Variants in EPB41L2 observed in about 807,000 individuals in gnomAD.
EPB41L2 encodes the protein band 4.1-like protein 2.
A neutral mutation model predicts 113.0 loss-of-function variants in EPB41L2; 43 were observed. The ratio of observed to expected loss-of-function variants is 0.38; its 90% CI spans 0.30 to 0.49. The LOEUF is 0.49. EPB41L2 is among the 20% of genes least tolerant of loss of function. The pLI, the probability that EPB41L2 is intolerant of heterozygous loss-of-function variation, is 0.95. For missense variants in EPB41L2, 1,147 were observed against 1,223.4 expected (o/e 0.94, Z 0.93); for synonymous variants, 442 against 436.7 (o/e 1.01, Z -0.15).
intron 3 of EPB41L2, among the ~76,000 whole-genome samples, chr6:130,928,956 C>T (rs548656022): frequency 5.2e-4 from 79 of 152,334 alleles, no homozygotes; most frequent in African/African-American, 1.6e-3. Flanking sequence ...TATTCCTTCA[C>T]TAGTCCACAT....
intron 13 of EPB41L2, among the ~76,000 whole-genome samples, chr6:130,878,958 A>G (rs1788430360): frequency 6.6e-6 from 1 of 152,224 alleles, no homozygotes. Context: ...AGCCTCCGCA[A>G]CTGCCAGATC....
intron 17 of EPB41L2, 49 bp from the exon 18 acceptor site, chr6:130,863,767 G>A (rs370053087): frequency 1.4e-4 from 193 of 1,346,652 alleles, no homozygotes; most frequent in Non-Finnish European, 1.8e-4. Context: ...ACTGAAGCAC[G>A]TTTACACAGT....
At chr6:130,861,552 C>T (rs1782054600) in intron 18 of EPB41L2, among the ~76,000 whole-genome samples, 1 of 152,154 alleles carries the variant, frequency 6.6e-6, no homozygotes, top group African/African-American at 2.4e-5. Context: ...TGGTGACAAG[C>T]AGACCAAAAG....
chr6:130,930,654 C>A (rs1806514791), intron 3 of EPB41L2, among the ~76,000 whole-genome samples: 1 of 152,062 alleles, frequency 6.6e-6, no homozygotes, highest in South Asian at 2.1e-4. Flanking sequence ...ATATGCCCAG[C>A]TGCCTGGGAG....
In EPB41L2 at chr6:131,020,174, T is replaced by C. The variant is rs148404098; in HGVS notation, c.-15+42981A>G. 9.8e-3 allele frequency among the ~76,000 whole-genome samples: 1,492 copies of C among 152,258 alleles called. 8 individuals are homozygous for C. The highest frequency in any genetic ancestry group is 0.014 in the Non-Finnish European group (938 of 68,018). ...TTTTCTTAGATAAAATGTTAAAGGG[T>C]TATCCTTTATTGGGTGATTTGCCTT... On this transcript the variant is annotated intron_variant, in intron 1 of 19. Transcript: ENST00000337057.
chr6:131,048,498 C>T (rs545393589), intron 1 of EPB41L2, among the ~76,000 whole-genome samples: 2 of 152,210 alleles, frequency 1.3e-5, no homozygotes, highest in South Asian at 2.1e-4. Context: ...CCACAAAATC[C>T]GTAATAAATA....
At chr6:130,962,809 T>C (rs182481462) in intron 1 of EPB41L2, among the ~76,000 whole-genome samples, 6 of 152,242 alleles carry the variant, frequency 3.9e-5, no homozygotes, top group Admixed American at 1.3e-4. Context: ...TGTGTTTCAA[T>C]AGAGGCTAGC....
chr6:130,865,732 C>T (rs1783541036), intron 16 of EPB41L2, 98 bp from the exon 17 acceptor site: 1 of 1,273,870 alleles, frequency 7.9e-7, no homozygotes, highest in African/African-American at 1.5e-5. Context: ...TTTTAAAATC[C>T]ATGTGGTTTG....
chr6:130,860,079 C>G (rs1159300226), intron 18 of EPB41L2, among the ~76,000 whole-genome samples: 2 of 152,156 alleles, frequency 1.3e-5, no homozygotes, highest in Non-Finnish European at 2.9e-5. Context: ...TGCAGTTCTA[C>G]ATTGTGTTTG....
chr6:130,891,428 T>TTTACTTACTTACTTACTTACTTAC (rs34546609), intron 10 of EPB41L2, among the ~76,000 whole-genome samples: 16 of 149,364 alleles, frequency 1.1e-4, no homozygotes, highest in African/African-American at 3.8e-4. Context: ...TATTTATTTA[T>TTTACTTACTTACTTACTTACTTAC]TTACTTACTT....
At chr6:130,907,522 T>G (rs1319559798) in intron 5 of EPB41L2, among the ~76,000 whole-genome samples, 2 of 152,136 alleles carry the variant, frequency 1.3e-5, no homozygotes, top group East Asian at 3.9e-4. Context: ...CTTTAGCACT[T>G]AAAGTCTCAT....
chr6:131,004,305 G>T (rs1784982497), intron 1 of EPB41L2, among the ~76,000 whole-genome samples: 1 of 152,078 alleles, frequency 6.6e-6, no homozygotes, highest in African/African-American at 2.4e-5. Context: ...TGAACCTGGG[G>T]GTGTAAGCTC....
intron 4 of EPB41L2, among the ~76,000 whole-genome samples, chr6:130,915,449 A>C (rs1255758086): frequency 6.6e-6 from 1 of 152,242 alleles, no homozygotes; most frequent in Non-Finnish European, 1.5e-5. Context: ...GGAACATAGC[A>C]GAAAAAAACC....
intron 1 of EPB41L2, among the ~76,000 whole-genome samples, chr6:131,013,770 C>T (rs1787574595): frequency 6.6e-6 from 1 of 152,124 alleles, no homozygotes; most frequent in Non-Finnish European, 1.5e-5. Context: ...CACAATTTTT[C>T]ATTTAGCATT....
chr6:130,841,784 T>C (rs909005034), intron 19 of EPB41L2, among the ~76,000 whole-genome samples: 1 of 152,168 alleles, frequency 6.6e-6, no homozygotes, highest in African/African-American at 2.4e-5. Flanking sequence ...CCTAGGGATA[T>C]AGATTTGGGC....
At chr6:131,004,861 C>T (rs1306902534) in intron 1 of EPB41L2, among the ~76,000 whole-genome samples, 1 of 152,210 alleles carries the variant, frequency 6.6e-6, no homozygotes, top group African/African-American at 2.4e-5. Flanking sequence ...CTGCTTCCCA[C>T]TGCCAGCATC....
At chr6:130,988,286 GA>G (rs1781041142) in intron 1 of EPB41L2, among the ~76,000 whole-genome samples, 2 of 152,140 alleles carry the variant, frequency 1.3e-5, no homozygotes, top group South Asian at 4.1e-4. Context: ...CAGAAGACAA[GA>G]AGACTGCAAG....
intron 1 of EPB41L2, among the ~76,000 whole-genome samples, chr6:130,956,936 A>T (rs1817644476): frequency 6.6e-6 from 1 of 152,244 alleles, no homozygotes; most frequent in South Asian, 2.1e-4. Flanking sequence ...GCAATGAGAC[A>T]CATTTCACTA....
chr6:130,856,099 A>G (rs549865191), intron 19 of EPB41L2, among the ~76,000 whole-genome samples: 25 of 152,324 alleles, frequency 1.6e-4, no homozygotes, highest in African/African-American at 6.0e-4. Flanking sequence ...CTTATGTAGG[A>G]AACTTTCTCA....
Sources: allele counts gnomAD v4.1 joint callset (sites outside exome capture counted in the v4.1 genomes callset), GRCh38; gene constraint gnomAD v4.1.1; transcripts MANE v1.5; gene names NCBI Gene and HGNC (gene_info 2026-07-23, HGNC 2026-07-21).